Variants in SIGLEC1 observed in about 807,000 individuals in gnomAD.
SIGLEC1 encodes the protein sialoadhesin.
Under a neutral mutation model 148.0 loss-of-function variants are expected in SIGLEC1, and 132 were observed. The ratio of observed to expected loss-of-function variants is 0.89; its 90% confidence interval spans 0.77 to 1.03. SIGLEC1 has a LOEUF of 1.03. Ranked by LOEUF, SIGLEC1 falls within the 50% of genes least tolerant of loss-of-function variation. The pLI is 0.00. For missense variants in SIGLEC1, 2,253 were observed against 2,271.4 expected (o/e 0.99, Z 0.16); for synonymous variants, 945 against 969.0 (o/e 0.98, Z 0.46).
Position 3,689,657 on chromosome 20 carries a change from C to T in SIGLEC1, c.4940G>A (p.Gly1647Glu). ...HQFQQLLWVL[G>E]LLVGLLLLLL... is the part of the protein sequence containing the mutation. ...CAGGAGCAGGAGGCCCACCAGCAGTCCCAGGACCCAGAGCAGCTGCTGGAA... is the reference window on the plus strand; with the variant it reads ...CAGGAGCAGGAGGCCCACCAGCAGTTCCAGGACCCAGAGCAGCTGCTGGAA... The change falls in exon 20 of 22, where the codon GGA (glycine) becomes GAA (glutamate). Residue 1647 changes from glycine (G) to glutamate (E), a missense_variant. Coordinates refer to ENST00000344754, the MANE Select transcript of SIGLEC1 (RefSeq NM_023068.4). 1 of 1,590,598 alleles carries T rather than the reference C, an allele frequency of 6.3e-7. No individual in the cohort carries two copies. The highest frequency in any genetic ancestry group is 8.6e-7 in the Non-Finnish European group (1 of 1,168,936).
At chr20:3,691,856 G>T (rs1387061954) in intron 17 of SIGLEC1, 47 bp downstream of exon 17, 1 of 1,533,498 alleles carries the variant, frequency 6.5e-7, no homozygotes, top group Non-Finnish European at 8.8e-7. Flanking sequence ...CGTGGACTTG[G>T]ACCTGAGAGC....
Position 3,694,905 on chromosome 20 carries a change from G to A in SIGLEC1, c.2702C>T (p.Ser901Leu). ...GCCCTCTTGGAGCTCAGGTGATGGT[G>A]ACACCTGGACCCAGGCTCCTGCAGG... The part of the protein sequence containing the change: ...FQVRGAWVQV[S>L]PSPELQEGQA... The change falls in exon 12 of 22, where the codon TCA becomes TTA. Residue 901 changes from serine to leucine, a missense_variant. Ser to Leu is a moderately radical substitution (Grantham distance 145, BLOSUM62 -2). Transcript: ENST00000344754. 1 of 1,611,794 alleles carries A rather than the reference G, an allele frequency of 6.2e-7. No homozygotes were observed. Among genetic ancestry groups the A allele is most frequent in the Non-Finnish European group, 8.5e-7 (1 of 1,179,312 alleles).
chr20:3,703,914 G>A lies in SIGLEC1; in HGVS notation c.884C>T (p.Ala295Val), dbSNP rs1054882754. ...TKTGVLHLPQ[A>V]AWSDAGVYTC... ...GTAGACGCCAGCATCGCTCCAGGCTGCCTGGGGCAGGTGCAGCACACCAGT... is the reference window on the plus strand; with the variant it reads ...GTAGACGCCAGCATCGCTCCAGGCTACCTGGGGCAGGTGCAGCACACCAGT... Residue 295 changes from alanine (A) to valine (V), a missense_variant, in exon 5 of 22, where the codon GCA (alanine) becomes GTA (valine). Coordinates refer to ENST00000344754, the MANE Select transcript of SIGLEC1 (RefSeq NM_023068.4). 1 of 1,613,888 alleles carries A rather than the reference G, an allele frequency of 6.2e-7. No individual in the cohort carries two copies. Among genetic ancestry groups the A allele is most frequent in the Non-Finnish European group, 8.5e-7 (1 of 1,179,986 alleles).
At position 3,699,423 on chromosome 20, in the gene SIGLEC1, A is replaced by C. The variant is rs773428240; in HGVS notation, c.1565T>G (p.Val522Gly). ...GCTCAGTGTCACTGCCTGTCCTTCC[A>C]CCACCTCGGCTGCCGGGCTGATGAG... ...RLLISPAAEVVEGQAVTLSCR... is the reference protein window; with the variant it reads ...RLLISPAAEVGEGQAVTLSCR... Residue 522 changes from valine (V) to glycine (G), a missense_variant, in exon 8 of 22, where the codon GTG becomes GGG. Coordinates refer to ENST00000344754, the MANE Select transcript of SIGLEC1 (RefSeq NM_023068.4). 6.2e-7 allele frequency: 1 copy of C among 1,609,912 alleles called. No homozygotes were observed. Among genetic ancestry groups the C allele is most frequent in the Non-Finnish European group, 8.5e-7 (1 of 1,178,812 alleles).
rs59383643 is a variant in SIGLEC1, at chr20:3,694,174, GACACACACACAC to G, written c.3256+35_3256+46del. 0.01 allele frequency: 12,059 copies of G among 1,165,092 alleles called. 319 individuals are homozygous for G. In the African/African-American group the frequency reaches 0.13, roughly 13 times the overall value. The allele number at this position is 1,165,092 out of a possible 1,614,324, so 72.2% of individuals were successfully genotyped here. ...TCCCACCTCCTCTCCTCTTTTAAAG[GACACACACACAC>G]ACACACACACACACACACACACACA... On this transcript the variant is annotated intron_variant, in intron 13 of 21. Coordinates refer to ENST00000344754, the MANE Select transcript of SIGLEC1 (RefSeq NM_023068.4).
At chr20:3,711,483 G>C (rs749826786) in intron 1 of SIGLEC1, among the ~76,000 whole-genome samples, 1 of 152,142 alleles carries the variant, frequency 6.6e-6, no homozygotes, top group African/African-American at 2.4e-5. Flanking sequence ...AGCTAGGCCC[G>C]GGTGTAGGAT....
chr20:3,711,306 G>A (rs2087927474), intron 1 of SIGLEC1, among the ~76,000 whole-genome samples: 1 of 152,204 alleles, frequency 6.6e-6, no homozygotes, highest in Non-Finnish European at 1.5e-5. Flanking sequence ...CATCAGGGTG[G>A]CTTGAGCTGG....
chr20:3,701,475 G>A lies in SIGLEC1; in HGVS notation c.1395C>T (p.Phe465=). 6.2e-7 allele frequency: 1 copy of A among 1,614,116 alleles called. No homozygotes were observed. Among genetic ancestry groups the A allele is most frequent in the Non-Finnish European group, 8.5e-7 (1 of 1,180,034 alleles). The change falls in exon 7 of 22, where the codon TTC becomes TTT. Residue 465 remains phenylalanine (F), a synonymous_variant. Coordinates refer to ENST00000344754, the MANE Select transcript of SIGLEC1 (RefSeq NM_023068.4). ...TSGDSDHSPR[F]SGTSGPNSLR... ...GGGAGTTGGGACCAGAGGTACCACT[G>A]AAGCGTGGGCTGTGATCACTGTCCC...
chr20:3,692,625 A>G lies in SIGLEC1; in HGVS notation c.3926T>C (p.Leu1309Pro), dbSNP rs747186031. The G allele has an allele frequency of 1.5e-5, 24 of 1,612,862 alleles. No individual in the cohort carries two copies. The highest frequency in any genetic ancestry group is 1.6e-4 in the Middle Eastern group (1 of 6,084). Reference sequence around the variant, plus strand: ...AGCCCGCGTGGCCACCAGGAATGAGAGTGAGGCAGCTGGACCCTCCTGCAG... The same window carrying G: ...AGCCCGCGTGGCCACCAGGAATGAGGGTGAGGCAGCTGGACCCTCCTGCAG... ...RWLQEGPAAS[L>P]SFLVATRAHA... is the part of the protein sequence containing the mutation. The change falls in exon 16 of 22, where the codon CTC (leucine) becomes CCC (proline). Residue 1309 changes from leucine to proline, a missense_variant. Transcript: ENST00000344754.
In SIGLEC1 at chr20:3,693,139, G is replaced by A; in HGVS notation, c.3509-8C>T. 2 of 1,537,206 alleles carry A rather than the reference G, an allele frequency of 1.3e-6. No individual in the cohort carries two copies. On this transcript the variant is annotated splice_region_variant and splice_polypyrimidine_tract_variant and intron_variant, in intron 14 of 21. Transcript: ENST00000344754. Reference sequence around the variant, plus strand: ...GCAGGTTGCGGGGCGCGTCTGCAGGGCATGAGAGGCTTACACGGAGTCACA... The same window carrying A: ...GCAGGTTGCGGGGCGCGTCTGCAGGACATGAGAGGCTTACACGGAGTCACA...
Position 3,706,556 on chromosome 20 carries a change from C to T in SIGLEC1, c.200G>A (p.Arg67Gln), listed in dbSNP as rs1265856417. ...GTCCGCCGAGTGGCTCACCACCTGC[C>T]GCTGGCCCGAGTAGTCGTAGTACCA... is the stretch of plus-strand genomic sequence containing the variant. The part of the protein sequence containing the change: ...AIWYYDYSGQ[R>Q]QVVSHSADPK... The change falls in exon 3 of 22, where the codon CGG becomes CAG. Residue 67 changes from arginine (R) to glutamine (Q), a missense_variant. By Grantham distance (43) the Arg-to-Gln change is conservative. Coordinates refer to ENST00000344754, the MANE Select transcript of SIGLEC1 (RefSeq NM_023068.4). The T allele has an allele frequency of 5.0e-6, 8 of 1,612,912 alleles. No individual in the cohort carries two copies. In the South Asian group the frequency reaches 5.5e-5, roughly 11 times the overall value.
rs199534118 is a variant in SIGLEC1, at chr20:3,692,011, C to T, written c.4222G>A (p.Ala1408Thr). The T allele has an allele frequency of 6.8e-6, 11 of 1,613,378 alleles. No individual in the cohort carries two copies. The African/African-American group carries it at 8.0e-5, about 12-fold the overall frequency. Residue 1408 changes from alanine to threonine, a missense_variant, in exon 17 of 22, where the codon GCC becomes ACC. By Grantham distance (58) the Ala-to-Thr change is moderately conservative. Transcript: ENST00000344754. ...ACATCTTGCACCTGCAGCCGTAGGGCGTTTCGGGCCACCTGGACATGGCCT... is the reference window on the plus strand; with the variant it reads ...ACATCTTGCACCTGCAGCCGTAGGGTGTTTCGGGCCACCTGGACATGGCCT... Reference protein sequence around the residue: ...GTGHVQVARNALRLQVQDVPA... With the variant: ...GTGHVQVARNTLRLQVQDVPA...
Position 3,692,937 on chromosome 20 carries a change from C to T in SIGLEC1, c.3703G>A (p.Asp1235Asn). The T allele has an allele frequency of 6.2e-7, 1 of 1,612,636 alleles. No individual in the cohort carries two copies. Among genetic ancestry groups the T allele is most frequent in the Non-Finnish European group, 8.5e-7 (1 of 1,179,936 alleles). ...GCAGAGCAGCTGTAGAAACCCTCAT[C>T]CCTGGGCTGTGGCCCTCGCAGCTCC... The part of the protein sequence containing the change: ...RLELRGPQPR[D>N]EGFYSCSARS... The change falls in exon 15 of 22, where the codon GAT becomes AAT. Residue 1235 changes from aspartate to asparagine, a missense_variant. By Grantham distance (23) the Asp-to-Asn change is conservative (BLOSUM62 1). Transcript: ENST00000344754.
In SIGLEC1 at chr20:3,699,298, C is replaced by T. The variant is rs756452334; in HGVS notation, c.1690G>A (p.Ala564Thr). 8 of 1,608,280 alleles carry T rather than the reference C, an allele frequency of 5.0e-6. No individual in the cohort carries two copies. In the East Asian group the frequency reaches 6.7e-5, roughly 13 times the overall value. ...EGPGSSLLLP[A>T]ASSTDAGSYH... ...GAGCCGGCGTCAGTGCTGGAGGCCGCGGGGAGCAGGAGGCTGCTGCCGGGA... is the reference window on the plus strand; with the variant it reads ...GAGCCGGCGTCAGTGCTGGAGGCCGTGGGGAGCAGGAGGCTGCTGCCGGGA... The change falls in exon 8 of 22, where the codon GCG (alanine) becomes ACG (threonine). Residue 564 changes from alanine (A) to threonine (T), a missense_variant. Ala to Thr is a moderately conservative substitution (Grantham distance 58). Coordinates refer to ENST00000344754, the MANE Select transcript of SIGLEC1 (RefSeq NM_023068.4).
In SIGLEC1 at chr20:3,696,877, G is replaced by A. The variant is rs143567571; in HGVS notation, c.2392C>T (p.Arg798Cys). Reference protein sequence around the residue: ...VLLSVLYPPDRPKLSALLDMG... With the variant: ...VLLSVLYPPDCPKLSALLDMG... The stretch of plus-strand genomic sequence containing the variant: ...TCTAGGAGGGCTGACAGCTTTGGAC[G>A]GTCCGGGGGATCTGCAGGAACAGAG... The change falls in exon 11 of 22, where the codon CGT (arginine) becomes TGT (cysteine). Residue 798 changes from arginine to cysteine, a missense_variant. Physicochemically the swap from Arg to Cys is radical, Grantham distance 180. Coordinates refer to ENST00000344754, the MANE Select transcript of SIGLEC1 (RefSeq NM_023068.4). The A allele has an allele frequency of 1.2e-4, 191 of 1,550,940 alleles. 2 individuals are homozygous for A. In the African/African-American group the frequency reaches 2.1e-3, roughly 17 times the overall value.
chr20:3,691,489 C>G lies in SIGLEC1; in HGVS notation c.4442G>C (p.Trp1481Ser), dbSNP rs1293935386. 2 of 1,613,470 alleles carry G rather than the reference C, an allele frequency of 1.2e-6. No homozygotes were observed. The highest frequency in any genetic ancestry group is 8.5e-7 in the Non-Finnish European group (1 of 1,180,002). Residue 1481 changes from tryptophan (W) to serine (S), a missense_variant, in exon 18 of 22, where the codon TGG becomes TCG. Trp to Ser is a radical substitution (Grantham distance 177). Coordinates refer to ENST00000344754, the MANE Select transcript of SIGLEC1 (RefSeq NM_023068.4). ...GTGCAGCCGCCGGTCATTCCAGAAC[C>G]ATGCAAAGGTGGAGTTGCCCACAGG... ...PGPVGNSTFA[W>S]FWNDRRLHAE...
intron 9 of SIGLEC1, 62 bp downstream of exon 9, chr20:3,697,736 G>T: frequency 6.6e-7 from 1 of 1,511,244 alleles, no homozygotes; most frequent in Admixed American, 1.8e-5. Context: ...ATCCTCCTCG[G>T]AGCAGAACAG....
Position 3,691,356 on chromosome 20 carries a change from G to T in SIGLEC1, c.4575C>A (p.Val1525=). Residue 1525 remains valine (V), a synonymous_variant, in exon 18 of 22, where the codon GTC becomes GTA. Transcript: ENST00000344754. ...LPTGAAASAP[V]MLRVLYPPKT... ...CACACTCACAGAGCACACGGAGCAT[G>T]ACTGGAGCAGAGGCAGCAGCCCCAG... 1 of 1,613,528 alleles carries T rather than the reference G, an allele frequency of 6.2e-7. No homozygotes were observed. Among genetic ancestry groups the T allele is most frequent in the Non-Finnish European group, 8.5e-7 (1 of 1,180,040 alleles).
intron 8 of SIGLEC1, 89 bp downstream of exon 8, chr20:3,699,113 G>A: frequency 6.8e-7 from 1 of 1,470,022 alleles, no homozygotes; most frequent in Middle Eastern, 2.4e-4. Context: ...TAGACCGTGG[G>A]GCAGGGCAGG....
Sources: allele counts gnomAD v4.1 joint callset (sites outside exome capture counted in the v4.1 genomes callset), GRCh38; gene constraint gnomAD v4.1.1; transcripts MANE v1.5; gene names NCBI Gene and HGNC (gene_info 2026-07-23, HGNC 2026-07-21).